The following ACO2 variants were observed in gnomAD, a reference collection of about 807,000 sequenced individuals.
ACO2 encodes the protein aconitate hydratase, mitochondrial.
A neutral mutation model predicts 84.5 loss-of-function variants in ACO2; 31 were observed. The observed-to-expected ratio is 0.37, with a 90% confidence interval of 0.28 to 0.50. The LOEUF is 0.50. Among genes scored for constraint, ACO2 ranks in the 20% least tolerant of loss-of-function variants. ACO2 has a pLI of 0.97. For synonymous variants in ACO2, 414 were observed against 412.7 expected, an observed-to-expected ratio of 1.00 and a Z score of -0.04; for missense variants, 685 against 1,029.3, an observed-to-expected ratio of 0.67 and a Z score of 4.58.
chr22:41,526,343 A>G lies in ACO2; in HGVS notation c.1843A>G (p.Asn615Asp). 6.2e-7 allele frequency: 1 copy of G among 1,613,352 alleles called. No homozygotes were observed. The highest frequency in any genetic ancestry group is 8.5e-7 in the Non-Finnish European group (1 of 1,180,008). Residue 615 changes from asparagine (N) to aspartate (D), a missense_variant, in exon 15 of 18, where the codon AAC becomes GAC. By Grantham distance (23) the Asn-to-Asp change is conservative (BLOSUM62 1). This residue lies in a region of ACO2 where 174 missense variants were observed against 236.6 expected (regional missense o/e 0.74). Coordinates refer to ENST00000216254, the MANE Select transcript of ACO2 (RefSeq NM_001098.3). ...KFRGHLDNIS[N>D]NLLIGAINIE... ...CCGTGGGCACTTGGATAACATCTCC[A>G]ACAACCTGCTCATTGGTGCCATCAA...
At chr22:41,488,702 C>A (rs1390788487) in intron 1 of ACO2, among the ~76,000 whole-genome samples, 1 of 152,172 alleles carries the variant, frequency 6.6e-6, no homozygotes, top group Non-Finnish European at 1.5e-5. Context: ...GCCAGAAGGG[C>A]CTGGGTTCTG....
chr22:41,476,208 G>C (rs2038011457), intron 1 of ACO2, among the ~76,000 whole-genome samples: 1 of 151,942 alleles, frequency 6.6e-6, no homozygotes, highest in Non-Finnish European at 1.5e-5. Flanking sequence ...AGGAGCTCAA[G>C]ACCAGCCTGA....
At chr22:41,484,369 G>A (rs1408213882) in intron 1 of ACO2, among the ~76,000 whole-genome samples, 1 of 152,128 alleles carries the variant, frequency 6.6e-6, no homozygotes, top group Non-Finnish European at 1.5e-5. Flanking sequence ...GAGTCATTGA[G>A]TATTAGAGAC....
intron 1 of ACO2, among the ~76,000 whole-genome samples, chr22:41,498,075 C>T (rs948077193): frequency 2.6e-5 from 4 of 151,570 alleles, no homozygotes; most frequent in Non-Finnish European, 5.9e-5. Context: ...ACCCGGGAGG[C>T]GGAGGTTGCA....
intron 2 of ACO2, among the ~76,000 whole-genome samples, chr22:41,503,827 C>T (rs1394020474): frequency 6.6e-6 from 1 of 152,144 alleles, no homozygotes; most frequent in Non-Finnish European, 1.5e-5. Context: ...AGCCCCACAA[C>T]AAAAGAATTC....
chr22:41,490,592 A>G (rs1418030530), intron 1 of ACO2, among the ~76,000 whole-genome samples: 1 of 152,220 alleles, frequency 6.6e-6, no homozygotes, highest in Non-Finnish European at 1.5e-5. Context: ...ATATATTTTA[A>G]TTAGATAGTT....
At chr22:41,502,902 G>A (rs903458597) in intron 2 of ACO2, among the ~76,000 whole-genome samples, 1 of 151,824 alleles carries the variant, frequency 6.6e-6, no homozygotes, top group Non-Finnish European at 1.5e-5. Context: ...GAGCCACTGC[G>A]CCTGGCCTTT....
intron 1 of ACO2, among the ~76,000 whole-genome samples, chr22:41,490,463 G>A (rs1411760696): frequency 6.6e-6 from 1 of 152,174 alleles, no homozygotes; most frequent in African/African-American, 2.4e-5. Flanking sequence ...GCTGTAGAGT[G>A]GCATTCCATG....
At chr22:41,497,438 A>G (rs1441034864) in intron 1 of ACO2, among the ~76,000 whole-genome samples, 1 of 152,100 alleles carries the variant, frequency 6.6e-6, no homozygotes, top group African/African-American at 2.4e-5. Context: ...GTTGTTATTC[A>G]TAGTTTAAGA....
chr22:41,486,036 C>T (rs986715882), intron 1 of ACO2, among the ~76,000 whole-genome samples: 1 of 152,198 alleles, frequency 6.6e-6, no homozygotes, highest in Non-Finnish European at 1.5e-5. Flanking sequence ...AGGCGCTGCT[C>T]TCTCTGTGAA....
chr22:41,526,248 A>C lies in ACO2; in HGVS notation c.1762-14A>C. The C allele has an allele frequency of 6.2e-7, 1 of 1,609,158 alleles. No individual in the cohort carries two copies. The highest frequency in any genetic ancestry group is 8.5e-7 in the Non-Finnish European group (1 of 1,177,918). On this transcript the variant is annotated splice_polypyrimidine_tract_variant and intron_variant, in intron 14 of 17. Coordinates refer to ENST00000216254, the MANE Select transcript of ACO2 (RefSeq NM_001098.3). ...CCATGCCCTGACCTCTGTCCTCTCTACTTACCACCCAAGGTCAAAGGGAAG... is the reference window on the plus strand; with the variant it reads ...CCATGCCCTGACCTCTGTCCTCTCTCCTTACCACCCAAGGTCAAAGGGAAG...
chr22:41,481,035 C>T (rs2038081214), intron 1 of ACO2, among the ~76,000 whole-genome samples: 1 of 152,122 alleles, frequency 6.6e-6, no homozygotes, highest in South Asian at 2.1e-4. Flanking sequence ...GAACTCTGGG[C>T]TCAGGAGTGG....
At chr22:41,528,346 A>AG in intron 17 of ACO2, 133 bp from the exon 18 acceptor site, 2 of 1,314,614 alleles carry the variant, frequency 1.5e-6, no homozygotes, top group Non-Finnish European at 2.1e-6. Flanking sequence ...CATCAGGCAC[A>AG]GACTGGCCTA....
chr22:41,513,747 G>A (rs564286564), intron 4 of ACO2, among the ~76,000 whole-genome samples: 3 of 152,338 alleles, frequency 2.0e-5, no homozygotes, highest in African/African-American at 7.2e-5. Context: ...GTATGTGTGT[G>A]TTGTGTGGAT....
At chr22:41,484,713 T>A (rs1159442172) in intron 1 of ACO2, among the ~76,000 whole-genome samples, 1 of 152,160 alleles carries the variant, frequency 6.6e-6, no homozygotes, top group African/African-American at 2.4e-5. Flanking sequence ...CCCATTCATA[T>A]TATTTCATGC....
intron 2 of ACO2, among the ~76,000 whole-genome samples, chr22:41,503,882 C>T (rs927351707): frequency 6.6e-6 from 1 of 152,134 alleles, no homozygotes; most frequent in Non-Finnish European, 1.5e-5. Context: ...GAAACCCTGA[C>T]ACGGAGAAAG....
rs748541617 is a variant in ACO2, at chr22:41,475,975, G to A, written c.36+6793G>A. The stretch of plus-strand genomic sequence containing the variant: ...TGCCACTGGCTTACTGGGTAGCTTC[G>A]GGCAAAGTCTCAACTCTCTGTGGTC... On this transcript the variant is annotated intron_variant, in intron 1 of 17. Transcript: ENST00000216254. Among the ~76,000 whole-genome samples, 5 of 151,732 alleles carry A rather than the reference G, an allele frequency of 3.3e-5. No homozygotes were observed. In the South Asian group the frequency reaches 1.0e-3, roughly 32 times the overall value.
rs1435617253 is a variant in ACO2 at position 41,515,739 on chromosome 22, C to CA, written c.685-27dup. On this transcript the variant is annotated intron_variant, in intron 5 of 17. Coordinates refer to ENST00000216254, the MANE Select transcript of ACO2 (RefSeq NM_001098.3). This position sits in a 1 kb window ranked among gnomAD's most constrained non-coding sequence, Gnocchi z 5.8. ...GCTGGCACAGGCACACACGGCCTCT[C>CA]ACAGCCGCCTCGCCCCCTCCTGTCC... 1 of 1,612,300 alleles carries CA rather than the reference C, an allele frequency of 6.2e-7. No homozygotes were observed. Among genetic ancestry groups the CA allele is most frequent in the Admixed American group, 1.7e-5 (1 of 60,026 alleles).
chr22:41,524,226 T>C (rs1012296305), intron 12 of ACO2, among the ~76,000 whole-genome samples: 1 of 152,176 alleles, frequency 6.6e-6, no homozygotes, highest in Admixed American at 6.5e-5. Context: ...GCTGTATGAG[T>C]GTGGCCAAGT....
Sources: allele counts gnomAD v4.1 joint callset (sites outside exome capture counted in the v4.1 genomes callset), GRCh38; gene constraint gnomAD v4.1.1; regional missense constraint gnomAD v4.1.1; non-coding constraint Gnocchi (gnomAD v3.1); transcripts MANE v1.5; gene names NCBI Gene and HGNC (gene_info 2026-07-23, HGNC 2026-07-21).